KCNG2: variants seen among roughly 807,000 people sequenced by gnomAD.
KCNG2 encodes potassium voltage-gated channel modifier subfamily G member 2.
A neutral mutation model predicts 12.3 loss-of-function variants in KCNG2; 7 were observed. The ratio of observed to expected loss-of-function variants is 0.57; its 90% CI spans 0.32 to 1.07. KCNG2 has a LOEUF of 1.07. Among genes scored for constraint, KCNG2 ranks in the 50% least tolerant of loss-of-function variants. The pLI is 0.04. For missense variants in KCNG2, 703 were observed against 726.0 expected (o/e 0.97, Z 0.36); for synonymous variants, 414 against 351.4 (o/e 1.18, Z -1.99).
Position 79,899,060 on chromosome 18 carries a change from C to A in KCNG2, c.645C>A (p.Cys215Ter). The change falls in exon 4 of 4, where the codon TGC becomes TGA. Residue 215 changes from cysteine (C) to a stop codon, truncating the protein, a stop_gained. Coordinates refer to ENST00000316249, the MANE Select transcript of KCNG2 (RefSeq NM_012283.2). LOFTEE classifies it low-confidence loss of function (END_TRUNC). The stretch of plus-strand genomic sequence containing the variant: ...CGCAGGGCGAGTGCTCCCCCAAGTG[C>A]CGCAGCCTGTTCGTGCTGGAGACCG... ...EEERGECSPK[C>*]RSLFVLETVC... The A allele has an allele frequency of 6.3e-7, 1 of 1,580,020 alleles. No homozygotes were observed. The highest frequency in any genetic ancestry group is 1.1e-5 in the South Asian group (1 of 87,380).
chr18:79,854,841 G>A (rs1450883864), intron 1 of KCNG2, among the ~76,000 whole-genome samples: 1 of 152,080 alleles, frequency 6.6e-6, no homozygotes, highest in Non-Finnish European at 1.5e-5. Context: ...GAGCTTCCTG[G>A]TAAACCACTT....
At chr18:79,807,354 G>T (rs563617247) in intron 1 of KCNG2, among the ~76,000 whole-genome samples, 5 of 152,204 alleles carry the variant, frequency 3.3e-5, no homozygotes, top group African/African-American at 1.2e-4. Flanking sequence ...GACGCTCTCT[G>T]CATCTGCCCC....
chr18:79,854,175 C>G (rs2123052728), intron 1 of KCNG2, among the ~76,000 whole-genome samples: 1 of 152,360 alleles, frequency 6.6e-6, no homozygotes, highest in Non-Finnish European at 1.5e-5. Context: ...ACAGGAGGAG[C>G]AGAGCCCGGC....
chr18:79,899,022 T>C lies in KCNG2; in HGVS notation c.625-18T>C, dbSNP rs761973575. ...CAAGAGGCCTGCGCCCCCAACCCCG[T>C]GTCCCCTCTCCCCGCAGGGCGAGTG... On this transcript the variant is annotated intron_variant, in intron 3 of 3. Transcript: ENST00000316249. 29 of 1,520,824 alleles carry C rather than the reference T, an allele frequency of 1.9e-5. No individual in the cohort carries two copies. The highest frequency in any genetic ancestry group is 1.7e-4 in the Middle Eastern group (1 of 5,728). 94.2% of individuals were successfully genotyped at this position (1,520,824 alleles called of 1,614,324 possible). A position where few individuals can be genotyped will look rare whatever the true frequency, so the allele number is the denominator to read the frequency against.
chr18:79,883,037 C>T (rs372019076), intron 3 of KCNG2, among the ~76,000 whole-genome samples: 1 of 152,256 alleles, frequency 6.6e-6, no homozygotes, highest in Non-Finnish European at 1.5e-5. Context: ...CACGGCCTAG[C>T]CCGGAAGCAG....
chr18:79,873,846 AGCT>A (rs1456036354), intron 3 of KCNG2, among the ~76,000 whole-genome samples: 35 of 152,388 alleles, frequency 2.3e-4, no homozygotes, highest in African/African-American at 8.2e-4. Flanking sequence ...AGAAGGCAGC[AGCT>A]GCGGTGTCCA....
chr18:79,815,620 C>G (rs1246415491), intron 1 of KCNG2, among the ~76,000 whole-genome samples: 1 of 152,226 alleles, frequency 6.6e-6, no homozygotes, highest in South Asian at 2.1e-4. Context: ...CTGCGCCCAG[C>G]TGTCCCTGCC....
At chr18:79,825,927 C>T (rs1011645004) in intron 1 of KCNG2, among the ~76,000 whole-genome samples, 2 of 152,246 alleles carry the variant, frequency 1.3e-5, no homozygotes, top group Non-Finnish European at 1.5e-5. Flanking sequence ...CAGGTGGGAG[C>T]GCGGACACCT....
chr18:79,865,138 TCTGCTGAGAGGC>T (rs1979422531), intron 3 of KCNG2, among the ~76,000 whole-genome samples: 3 of 144,966 alleles, frequency 2.1e-5, no homozygotes, highest in Non-Finnish European at 4.6e-5. Flanking sequence ...GAGAGGGCTG[TCTGCTGAGAGGC>T]CTGGGTGCTG....
At chr18:79,882,294 A>G (rs557203613) in intron 3 of KCNG2, among the ~76,000 whole-genome samples, 150 of 152,350 alleles carry the variant, frequency 9.8e-4, no homozygotes, top group African/African-American at 3.5e-3. Context: ...AGATCACTTC[A>G]GCCCAGGAGT....
chr18:79,854,180 C>G (rs1003137919), intron 1 of KCNG2, among the ~76,000 whole-genome samples: 13 of 152,226 alleles, frequency 8.5e-5, no homozygotes, highest in Admixed American at 7.2e-4. Flanking sequence ...AGGAGCAGAG[C>G]CCGGCCTTCT....
chr18:79,884,864 G>A lies in KCNG2; in HGVS notation c.625-14176G>A, dbSNP rs959389741. ...TTCCCATTCACAGAAACACAGTAGCGTGCGCGGGTCGGTGATGCAGCCAAG... is the reference window on the plus strand; with the variant it reads ...TTCCCATTCACAGAAACACAGTAGCATGCGCGGGTCGGTGATGCAGCCAAG... On this transcript the variant is annotated intron_variant, in intron 3 of 3. Coordinates refer to ENST00000316249, the MANE Select transcript of KCNG2 (RefSeq NM_012283.2). This position sits in a 1 kb window ranked among gnomAD's most constrained non-coding sequence, Gnocchi z 5.5. 1.4e-4 allele frequency among the ~76,000 whole-genome samples: 22 copies of A among 152,274 alleles called. No homozygotes were observed. Among genetic ancestry groups the A allele is most frequent in the African/African-American group, 3.4e-4 (14 of 41,554 alleles).
At chr18:79,848,361 G>A (rs572932613) in intron 1 of KCNG2, among the ~76,000 whole-genome samples, 5 of 152,288 alleles carry the variant, frequency 3.3e-5, no homozygotes, top group East Asian at 1.9e-4. Context: ...GTAGGGGTCC[G>A]CAGGCCTGTG....
chr18:79,845,914 G>A (rs536809855), intron 1 of KCNG2, among the ~76,000 whole-genome samples: 17 of 151,716 alleles, frequency 1.1e-4, no homozygotes, highest in African/African-American at 3.4e-4. Context: ...GTGAAACCCC[G>A]TCTCTACTAA....
chr18:79,858,319 C>G (rs533478556), intron 2 of KCNG2, among the ~76,000 whole-genome samples: 1 of 152,328 alleles, frequency 6.6e-6, no homozygotes, highest in South Asian at 2.1e-4. Flanking sequence ...TTTATATAAA[C>G]GGATTCCCAG....
Position 79,863,873 on chromosome 18 carries a change from T to C in KCNG2, c.206T>C (p.Phe69Ser). The stretch of plus-strand genomic sequence containing the variant: ...GACTACGACGTGAGCCGCGACGAGT[T>C]CTTCTTCGACCGCAGCCCGTGCGCC... ...CDDYDVSRDE[F>S]FFDRSPCAFR... The change falls in exon 3 of 4, where the codon TTC becomes TCC. Residue 69 changes from phenylalanine to serine, a missense_variant. Transcript: ENST00000316249. 6.8e-7 allele frequency: 1 copy of C among 1,473,202 alleles called. No homozygotes were observed. Among genetic ancestry groups the C allele is most frequent in the Non-Finnish European group, 9.0e-7 (1 of 1,109,842 alleles). The allele number at this position is 1,473,202 out of a possible 1,614,324, so 91.3% of individuals were successfully genotyped here.
At chr18:79,892,310 A>AT (rs778865303) in intron 3 of KCNG2, among the ~76,000 whole-genome samples, 3 of 152,176 alleles carry the variant, frequency 2.0e-5, no homozygotes, top group Non-Finnish European at 4.4e-5. Flanking sequence ...CTCTAATAAT[A>AT]TTTTTTGTTT....
chr18:79,880,630 C>T (rs897796954), intron 3 of KCNG2, among the ~76,000 whole-genome samples: 5 of 152,140 alleles, frequency 3.3e-5, no homozygotes, highest in African/African-American at 1.2e-4. Flanking sequence ...TGATACCAAA[C>T]CAGAGACATG....
At chr18:79,865,928 G>T (rs1599407473) in intron 3 of KCNG2, among the ~76,000 whole-genome samples, 1 of 129,970 alleles carries the variant, frequency 7.7e-6, no homozygotes, top group African/African-American at 2.7e-5. Context: ...AGAGATCTGG[G>T]TGCTGAGGTC....
Sources: gnomAD v4.1 joint callset for allele counts (sites outside exome capture counted in the v4.1 genomes callset) on GRCh38, gnomAD v4.1.1 for gene constraint, Gnocchi (gnomAD v3.1) non-coding constraint, MANE v1.5 for transcripts, NCBI Gene and HGNC (gene_info 2026-07-23, HGNC 2026-07-21) for gene names.